CPNE1: variants seen among roughly 807,000 people sequenced by gnomAD.
CPNE1 encodes copine-1.
Under a neutral mutation model 63.2 loss-of-function variants are expected in CPNE1, and 58 were observed. The ratio of observed to expected loss-of-function variants is 0.92; its 90% confidence interval spans 0.74 to 1.14. CPNE1 has a LOEUF of 1.14. Among genes scored for constraint, CPNE1 ranks in the 50% most tolerant of loss-of-function variants. The probability of loss-of-function intolerance (pLI) is 0.00; values close to 1 mark genes in which losing one functional copy is unlikely to be tolerated. For synonymous variants in CPNE1, 237 were observed against 249.0 expected (o/e 0.95, Z 0.45); for missense variants, 672 against 661.7 (o/e 1.02, Z -0.17).
rs562185178 is a variant in CPNE1 at position 35,627,424 on chromosome 20, G to C, written c.1103-11C>G. ...CAATGCCCTGGATGCCTGCAGAGGA[G>C]AGCAAGAAATACCGTAAAATCCTGG... On this transcript the variant is annotated splice_polypyrimidine_tract_variant and intron_variant, in intron 13 of 15. Coordinates refer to ENST00000397443, the MANE Select transcript of CPNE1 (RefSeq NM_152925.3). 6.8e-6 allele frequency: 11 copies of C among 1,613,504 alleles called. No homozygotes were observed. The highest frequency in any genetic ancestry group is 4.4e-5 in the South Asian group (4 of 91,040).
chr20:35,641,673 TCC>T (rs2032820493), intron 1 of CPNE1, among the ~76,000 whole-genome samples: 1 of 152,136 alleles, frequency 6.6e-6, no homozygotes, highest in South Asian at 2.1e-4. Flanking sequence ...TTATATATGC[TCC>T]CCTTTTCATG....
intron 1 of CPNE1, among the ~76,000 whole-genome samples, chr20:35,635,296 T>C (rs765458772): frequency 3.3e-5 from 5 of 152,172 alleles, no homozygotes; most frequent in Non-Finnish European, 7.3e-5. Context: ...ATGTATATAC[T>C]GTTTCCCCCA....
intron 3 of CPNE1, 33 bp downstream of exon 3, chr20:35,632,484 A>C: frequency 6.2e-7 from 1 of 1,610,850 alleles, no homozygotes. Flanking sequence ...ACAGACCTGC[A>C]TCTGAAGGAT....
At chr20:35,651,615 ATAC>A (rs1021349652) in intron 1 of CPNE1, 2 of 151,866 alleles carry the variant, frequency 1.3e-5, no homozygotes, top group African/African-American at 4.8e-5. Flanking sequence ...GAGGAAATTG[ATAC>A]TACAATTAGT....
chr20:35,629,655 A>ATT (rs770387616), intron 13 of CPNE1, among the ~76,000 whole-genome samples: 21 of 140,944 alleles, frequency 1.5e-4, no homozygotes, highest in Admixed American at 5.7e-4. Flanking sequence ...ATGTGGCATC[A>ATT]TTTTTTTTTT....
chr20:35,630,886 G>A lies in CPNE1; in HGVS notation c.995+15C>T, dbSNP rs188132901. 897 of 1,603,272 alleles carry A rather than the reference G, an allele frequency of 5.6e-4. 6 individuals carry two copies. In the African/African-American group the frequency reaches 0.011, roughly 19 times the overall value. On this transcript the variant is annotated intron_variant, in intron 11 of 15. Coordinates refer to ENST00000397443, the MANE Select transcript of CPNE1 (RefSeq NM_152925.3). ...CTGCAGGGAGCGGGTATAGCCCAGA[G>A]AAGCAGGTACTCACGAGTCATAGTC...
chr20:35,636,043 G>A (rs1461540540), intron 1 of CPNE1, among the ~76,000 whole-genome samples: 1 of 152,152 alleles, frequency 6.6e-6, no homozygotes, highest in Non-Finnish European at 1.5e-5. Flanking sequence ...CCCCAGCCTA[G>A]GGCTCCATGG....
At position 35,646,437 on chromosome 20, in the gene CPNE1, T is replaced by C. The variant is rs563874198; in HGVS notation, c.1-13514A>G. On this transcript the variant is annotated intron_variant, in intron 1 of 15. Coordinates refer to ENST00000397443, the MANE Select transcript of CPNE1 (RefSeq NM_152925.3). ...CAGGGTCTTGCTATGTTACTCACGC[T>C]AGTCTCAATTCCTGGGCTCAAGCGA... is the stretch of plus-strand genomic sequence containing the variant. Among the ~76,000 whole-genome samples the C allele has an allele frequency of 4.1e-5, 6 of 147,250 alleles. No homozygotes were observed. The South Asian group carries it at 1.3e-3, about 32-fold the overall frequency.
chr20:35,663,490 A>G (rs751032075), intron 1 of CPNE1, among the ~76,000 whole-genome samples: 1 of 152,092 alleles, frequency 6.6e-6, no homozygotes, highest in African/African-American at 2.4e-5. Context: ...TTGCCATCAC[A>G]CTTTTTTCCA....
intron 1 of CPNE1, chr20:35,643,305 A>G (rs952871090): frequency 6.5e-6 from 1 of 153,142 alleles, no homozygotes; most frequent in Non-Finnish European, 1.5e-5. Context: ...CTGAGAGAGG[A>G]GGACTGGTCT....
Position 35,626,133 on chromosome 20 carries a change from C to G in CPNE1, c.*108G>C. On this transcript the variant is annotated 3_prime_UTR_variant, in exon 16 of 16. Transcript: ENST00000397443. The stretch of plus-strand genomic sequence containing the variant: ...AAAGCAGAAACAAGTATAAAAGTAT[C>G]AAAAAATACAAAGTGCTAGCACTGA... The G allele has an allele frequency of 8.5e-7, 1 of 1,182,212 alleles. No homozygotes were observed. The highest frequency in any genetic ancestry group is 1.2e-6 in the Non-Finnish European group (1 of 800,192). The allele number at this position is 1,182,212 out of a possible 1,614,324, so 73.2% of individuals were successfully genotyped here.
At chr20:35,630,526 T>G (rs1430631136) in intron 12 of CPNE1, 36 bp from the exon 13 acceptor site, 1 of 1,608,492 alleles carries the variant, frequency 6.2e-7, no homozygotes, top group Non-Finnish European at 8.5e-7. Flanking sequence ...TCTTTCCCCA[T>G]GACCTCTGCT....
chr20:35,663,809 A>G (rs1021649232), intron 1 of CPNE1, among the ~76,000 whole-genome samples: 12 of 152,120 alleles, frequency 7.9e-5, no homozygotes, highest in Admixed American at 3.3e-4. Context: ...CCCGTCACTA[A>G]CCTGTAGATC....
chr20:35,640,459 A>T (rs1321098254), intron 1 of CPNE1, among the ~76,000 whole-genome samples: 1 of 152,028 alleles, frequency 6.6e-6, no homozygotes, highest in Non-Finnish European at 1.5e-5. Context: ...AATAAAAAAA[A>T]TTTGTCATTT....
At chr20:35,627,216 T>A in intron 14 of CPNE1, 64 bp downstream of exon 14, 2 of 1,218,822 alleles carry the variant, frequency 1.6e-6, no homozygotes, top group Middle Eastern at 4.4e-4. Flanking sequence ...AAAAGTCCTT[T>A]GTTCCATAAC....
rs1199291696 is a variant in CPNE1 at position 35,626,171 on chromosome 20, G to T, written c.*70C>A. The T allele has an allele frequency of 6.8e-7, 1 of 1,480,916 alleles. No individual in the cohort carries two copies. The highest frequency in any genetic ancestry group is 9.4e-7 in the Non-Finnish European group (1 of 1,059,248). 91.7% of individuals were successfully genotyped at this position (1,480,916 alleles called of 1,614,324 possible). A position where few individuals can be genotyped will look rare whatever the true frequency, so the allele number is the denominator to read the frequency against. On this transcript the variant is annotated 3_prime_UTR_variant, in exon 16 of 16. Coordinates refer to ENST00000397443, the MANE Select transcript of CPNE1 (RefSeq NM_152925.3). ...GTGCTAGCACTGAGGAGAGTGAGAA[G>T]GGTTGGGTTGTGGCCCAGAGGGACC... is the stretch of plus-strand genomic sequence containing the variant.
intron 1 of CPNE1, among the ~76,000 whole-genome samples, chr20:35,646,141 A>T (rs1319477609): frequency 1.3e-5 from 2 of 150,948 alleles, no homozygotes; most frequent in East Asian, 3.9e-4. Context: ...AAAAAAAAAA[A>T]AATAGCTACT....
intron 1 of CPNE1, among the ~76,000 whole-genome samples, chr20:35,658,069 CAAAT>C (rs1198634986): frequency 6.6e-6 from 1 of 151,028 alleles, no homozygotes; most frequent in African/African-American, 2.4e-5. Context: ...ATAAATAAAA[CAAAT>C]AAAAATTTAA....
intron 1 of CPNE1, among the ~76,000 whole-genome samples, chr20:35,646,252 CAAAAAAAAAAAAAAA>C (rs549372063): frequency 8.6e-5 from 5 of 58,364 alleles, no homozygotes; most frequent in African/African-American, 2.0e-4. Context: ...AAGACCATCT[CAAAAAAAAAAAAAAA>C]AAAAAAAAAA....
Sources: gnomAD v4.1 joint callset for allele counts (sites outside exome capture counted in the v4.1 genomes callset) on GRCh38, gnomAD v4.1.1 for gene constraint, MANE v1.5 for transcripts, NCBI Gene and HGNC (gene_info 2026-07-23, HGNC 2026-07-21) for gene names.